The following USP25 variants were observed in gnomAD, a reference collection of about 807,000 sequenced individuals.
USP25 encodes the protein ubiquitin carboxyl-terminal hydrolase 25.
In USP25, 85 loss-of-function variants were observed where a neutral mutation model predicts 158.5. That is an observed-to-expected ratio of 0.54 (90% CI 0.45 to 0.64). The LOEUF (loss-of-function observed/expected upper bound fraction) is 0.64, where lower values mean the gene tolerates loss of function less well. USP25 is among the 30% of genes least tolerant of loss of function. The pLI is 0.00. For missense variants in USP25, 1,242 were observed against 1,327.3 expected (o/e 0.94, Z 1.00); for synonymous variants, 464 against 460.4 (o/e 1.01, Z -0.10).
At chr21:15,810,343 A>G (rs2036596590) in intron 8 of USP25, among the ~76,000 whole-genome samples, 1 of 152,152 alleles carries the variant, frequency 6.6e-6, no homozygotes, top group Admixed American at 6.5e-5. Flanking sequence ...CCCTTTTTAA[A>G]CAATACTTCA....
Position 15,791,593 on chromosome 21 carries a change from A to G in USP25, c.484A>G (p.Lys162Glu). 1 of 1,611,878 alleles carries G rather than the reference A, an allele frequency of 6.2e-7. No individual in the cohort carries two copies. Among genetic ancestry groups the G allele is most frequent in the African/African-American group, 1.3e-5 (1 of 74,880 alleles). Residue 162 changes from lysine to glutamate, a missense_variant, in exon 5 of 26, where the codon AAA becomes GAA. Lys to Glu is a moderately conservative substitution (Grantham distance 56). Coordinates refer to ENST00000400183, the MANE Select transcript of USP25 (RefSeq NM_001283041.3). ...GGATTCTCGAAACCCTTATGATAGAAAAAGACAGGACAAAGCTCCCGTTGG... is the reference window on the plus strand; with the variant it reads ...GGATTCTCGAAACCCTTATGATAGAGAAAGACAGGACAAAGCTCCCGTTGG... ...WRDSRNPYDR[K>E]RQDKAPVGLK...
chr21:15,742,078 T>C (rs1017855621), intron 1 of USP25, among the ~76,000 whole-genome samples: 2 of 151,752 alleles, frequency 1.3e-5, no homozygotes, highest in Non-Finnish European at 2.9e-5. Context: ...GTAAGTAAAT[T>C]GGACAGAAAT....
intron 1 of USP25, chr21:15,744,014 CAG>C (rs1437170025): frequency 6.4e-6 from 1 of 155,484 alleles, no homozygotes. Context: ...ACAGAACTGA[CAG>C]TGTTTCCATT....
chr21:15,737,709 T>A (rs1013476526), intron 1 of USP25, among the ~76,000 whole-genome samples: 7 of 152,274 alleles, frequency 4.6e-5, no homozygotes, highest in African/African-American at 1.4e-4. Flanking sequence ...TTTATACTCT[T>A]TTTCATCTGT....
intron 23 of USP25, among the ~76,000 whole-genome samples, chr21:15,872,365 C>T (rs910198359): frequency 1.3e-5 from 2 of 152,054 alleles, no homozygotes; most frequent in Admixed American, 1.3e-4. Context: ...ATTTTGCGTA[C>T]CTCAGTAGAG....
chr21:15,778,347 C>A (rs1568792140), intron 4 of USP25, among the ~76,000 whole-genome samples: 1 of 152,038 alleles, frequency 6.6e-6, no homozygotes, highest in Non-Finnish European at 1.5e-5. Flanking sequence ...TAGCAAGGGT[C>A]AGCATCCTTT....
intron 18 of USP25, among the ~76,000 whole-genome samples, chr21:15,844,301 C>T (rs1301985819): frequency 6.6e-6 from 1 of 152,090 alleles, no homozygotes; most frequent in South Asian, 2.1e-4. Flanking sequence ...AAAGTATCTT[C>T]AGACTTTGGG....
chr21:15,853,005 A>G (rs1313664299), intron 20 of USP25, among the ~76,000 whole-genome samples: 1 of 152,206 alleles, frequency 6.6e-6, no homozygotes. Flanking sequence ...TGTATACAAA[A>G]TGCAGTTGTA....
At chr21:15,759,720 G>GT (rs1394333301) in intron 1 of USP25, among the ~76,000 whole-genome samples, 6 of 152,132 alleles carry the variant, frequency 3.9e-5, no homozygotes, top group Non-Finnish European at 8.8e-5. Flanking sequence ...TAAGGTCTGT[G>GT]TTTATGTTAA....
chr21:15,787,902 A>AC (rs5842545), intron 4 of USP25, among the ~76,000 whole-genome samples: 19,072 of 83,204 alleles, frequency 0.23, 1,899 homozygotes, highest in African/African-American at 0.36. Context: ...ACACCCCCTC[A>AC]CCCCCCCCCC....
chr21:15,730,370 GC>G lies in USP25; in HGVS notation c.-22del. 1 of 1,213,396 alleles carries G rather than the reference GC, an allele frequency of 8.2e-7. No homozygotes were observed. Among genetic ancestry groups the G allele is most frequent in the Non-Finnish European group, 1.0e-6 (1 of 972,876 alleles). 75.2% of individuals were successfully genotyped at this position (1,213,396 alleles called of 1,614,324 possible). On this transcript the variant is annotated 5_prime_UTR_variant, in exon 1 of 26. Coordinates refer to ENST00000400183, the MANE Select transcript of USP25 (RefSeq NM_001283041.3). ...CGAGGAGCCGGGCGCCACCGCCGCCGCCGCCGCCGCCGCCGCGGGGGCCATG... is the reference window on the plus strand; with the variant it reads ...CGAGGAGCCGGGCGCCACCGCCGCCGCGCCGCCGCCGCCGCGGGGGCCATG...
intron 5 of USP25, among the ~76,000 whole-genome samples, chr21:15,797,633 T>G (rs1158376058): frequency 1.3e-5 from 2 of 151,338 alleles, no homozygotes; most frequent in African/African-American, 4.8e-5. Flanking sequence ...CTATCTACAA[T>G]GGGAGCTCAG....
intron 20 of USP25, among the ~76,000 whole-genome samples, chr21:15,857,248 A>G (rs1568897839): frequency 6.6e-6 from 1 of 152,190 alleles, no homozygotes; most frequent in African/African-American, 2.4e-5. Flanking sequence ...GTTGTTACCT[A>G]TTCTTATTAA....
chr21:15,860,879 T>A (rs1383638949), intron 20 of USP25, among the ~76,000 whole-genome samples: 2 of 151,404 alleles, frequency 1.3e-5, no homozygotes, highest in African/African-American at 4.8e-5. Flanking sequence ...CCCATTAGAT[T>A]TAACTGCCTC....
intron 1 of USP25, among the ~76,000 whole-genome samples, chr21:15,753,796 C>G (rs1445070354): frequency 6.6e-6 from 1 of 151,990 alleles, no homozygotes. Flanking sequence ...GGAGAAAACC[C>G]ATTTTAATTA....
At chr21:15,832,050 ATT>A (rs1380434242) in intron 16 of USP25, among the ~76,000 whole-genome samples, 1 of 152,126 alleles carries the variant, frequency 6.6e-6, no homozygotes, top group Non-Finnish European at 1.5e-5. Flanking sequence ...CATTTCACAC[ATT>A]TATGTTTGCA....
intron 16 of USP25, 104 bp downstream of exon 16, chr21:15,831,733 G>T: frequency 3.1e-6 from 3 of 962,206 alleles, no homozygotes; most frequent in Non-Finnish European, 4.8e-6. Flanking sequence ...TGAAGGATGT[G>T]GTTAGGAAAT....
intron 20 of USP25, among the ~76,000 whole-genome samples, chr21:15,852,212 A>G (rs559747347): frequency 9.9e-5 from 15 of 151,804 alleles, no homozygotes; most frequent in African/African-American, 3.4e-4. Context: ...CAGAATTTCT[A>G]TTTCACTAAC....
intron 23 of USP25, among the ~76,000 whole-genome samples, chr21:15,873,594 C>T (rs1000121605): frequency 3.3e-5 from 5 of 151,784 alleles, no homozygotes; most frequent in Admixed American, 1.3e-4. Context: ...CTCCACCTCC[C>T]GGGATTCTGC....
Sources: allele counts gnomAD v4.1 joint callset (sites outside exome capture counted in the v4.1 genomes callset), GRCh38; gene constraint gnomAD v4.1.1; transcripts MANE v1.5; gene names NCBI Gene and HGNC (gene_info 2026-07-23, HGNC 2026-07-21).